The following CMTM8 variants were observed in gnomAD, a reference collection of about 807,000 sequenced individuals.
The protein encoded by CMTM8 is CKLF-like MARVEL transmembrane domain-containing protein 8.
CMTM8 carries 12 observed loss-of-function variants against 18.6 expected under a neutral mutation model. That is an observed-to-expected ratio of 0.65 (90% CI 0.41 to 1.05). The LOEUF (loss-of-function observed/expected upper bound fraction) is 1.05. Among genes scored for constraint, CMTM8 ranks in the 50% least tolerant of loss-of-function variants. The pLI, the probability that CMTM8 is intolerant of heterozygous loss-of-function variation, is 0.00. For synonymous variants in CMTM8, 87 were observed against 90.6 expected, an observed-to-expected ratio of 0.96 and a Z score of 0.23; for missense variants, 217 against 227.2, an observed-to-expected ratio of 0.95 and a Z score of 0.29.
At chr3:32,289,848 A>G (rs1161308389) in intron 1 of CMTM8, among the ~76,000 whole-genome samples, 2 of 152,180 alleles carry the variant, frequency 1.3e-5, no homozygotes, top group Non-Finnish European at 1.5e-5. Context: ...GGGAAAAAGG[A>G]GGCCAGTCAT....
At chr3:32,240,338 T>C (rs1316319672) in intron 1 of CMTM8, among the ~76,000 whole-genome samples, 1 of 152,214 alleles carries the variant, frequency 6.6e-6, no homozygotes, top group Non-Finnish European at 1.5e-5. Flanking sequence ...TCAGCGAGTA[T>C]TGAGGACTTC....
chr3:32,279,749 G>A (rs1401034774), intron 1 of CMTM8, among the ~76,000 whole-genome samples: 4 of 125,214 alleles, frequency 3.2e-5, no homozygotes, highest in Non-Finnish European at 6.6e-5. Flanking sequence ...CTGAGGAATC[G>A]CCACACTGAC....
At chr3:32,349,715 T>C (rs757230928) in intron 1 of CMTM8, among the ~76,000 whole-genome samples, 2 of 152,098 alleles carry the variant, frequency 1.3e-5, no homozygotes, top group Non-Finnish European at 2.9e-5. Context: ...GATCAATAAT[T>C]TTATTGGCCA....
intron 1 of CMTM8, among the ~76,000 whole-genome samples, chr3:32,270,392 A>G (rs573995937): frequency 3.9e-5 from 6 of 152,374 alleles, no homozygotes; most frequent in African/African-American, 1.4e-4. Flanking sequence ...AGGAGTATAA[A>G]TCATGCTACT....
chr3:32,284,898 T>C (rs1249446070), intron 1 of CMTM8, among the ~76,000 whole-genome samples: 2 of 152,112 alleles, frequency 1.3e-5, no homozygotes, highest in African/African-American at 2.4e-5. Context: ...CTCAAGAAAA[T>C]TGGGAGAAAT....
At chr3:32,325,886 C>T (rs1171854556) in intron 1 of CMTM8, among the ~76,000 whole-genome samples, 1 of 152,180 alleles carries the variant, frequency 6.6e-6, no homozygotes, top group Non-Finnish European at 1.5e-5. Context: ...ACTGAAATGC[C>T]AGTGGAGCTT....
intron 3 of CMTM8, among the ~76,000 whole-genome samples, chr3:32,368,461 T>G (rs1179651350): frequency 6.7e-5 from 10 of 150,256 alleles, no homozygotes; most frequent in African/African-American, 1.7e-4. Context: ...CTTCTATTTT[T>G]TTTTTTTTTT....
At chr3:32,239,446 A>G (rs1048977778) in intron 1 of CMTM8, among the ~76,000 whole-genome samples, 1 of 151,840 alleles carries the variant, frequency 6.6e-6, no homozygotes. Context: ...TGTCAGAGAC[A>G]CCTGGTGCCT....
Position 32,358,424 on chromosome 3 carries a change from A to T in CMTM8, c.321+878A>T, listed in dbSNP as rs958253839. Among the ~76,000 whole-genome samples the T allele has an allele frequency of 3.3e-5, 5 of 152,246 alleles. No homozygotes were observed. Among genetic ancestry groups the T allele is most frequent in the Non-Finnish European group, 5.9e-5 (4 of 68,034 alleles). ...CCAGTGGTACCACATGTGTTTATGT[A>T]TAAAACAGAGCTCTCCAGTGATACT... On this transcript the variant is annotated intron_variant, in intron 2 of 3. Transcript: ENST00000307526. This position sits in a 1 kb window ranked among gnomAD's most constrained non-coding sequence, Gnocchi z 4.1.
At chr3:32,300,035 C>T (rs1485615794) in intron 1 of CMTM8, among the ~76,000 whole-genome samples, 3 of 152,204 alleles carry the variant, frequency 2.0e-5, no homozygotes, top group Non-Finnish European at 4.4e-5. Context: ...AAAAGGTTAA[C>T]AGACAAAAGC....
intron 1 of CMTM8, among the ~76,000 whole-genome samples, chr3:32,247,561 A>G (rs1291180031): frequency 6.6e-6 from 1 of 152,052 alleles, no homozygotes; most frequent in Non-Finnish European, 1.5e-5. Flanking sequence ...CCTGACCTCA[A>G]GTGATCCACC....
In CMTM8 at chr3:32,353,102, T is replaced by C. The variant is rs1019920867; in HGVS notation, c.148-4271T>C. On this transcript the variant is annotated intron_variant, in intron 1 of 3. Transcript: ENST00000307526. Reference sequence around the variant, plus strand: ...TCCACTTTCCCAGTTCAAGCTATTCTCCTGCCTCAGCCTCCCTAGTAGCTG... The same window carrying C: ...TCCACTTTCCCAGTTCAAGCTATTCCCCTGCCTCAGCCTCCCTAGTAGCTG... Among the ~76,000 whole-genome samples the C allele has an allele frequency of 1.1e-4, 16 of 152,330 alleles. No individual in the cohort carries two copies. The East Asian group carries it at 3.1e-3, about 29-fold the overall frequency.
chr3:32,317,261 G>A (rs1057156078), intron 1 of CMTM8, among the ~76,000 whole-genome samples: 2 of 152,118 alleles, frequency 1.3e-5, no homozygotes, highest in African/African-American at 4.8e-5. Flanking sequence ...GGACTTCTCA[G>A]TAAATGTTAG....
intron 1 of CMTM8, among the ~76,000 whole-genome samples, chr3:32,350,859 A>G (rs75751769): frequency 3.0e-4 from 45 of 151,482 alleles, no homozygotes; most frequent in Non-Finnish European, 5.2e-4. Context: ...GGGTTTCACC[A>G]TGTTAGCCAG....
chr3:32,294,485 G>C (rs955139833), intron 1 of CMTM8, among the ~76,000 whole-genome samples: 11 of 152,190 alleles, frequency 7.2e-5, no homozygotes, highest in African/African-American at 2.7e-4. Flanking sequence ...CCAGAGCCAG[G>C]TGGGAGTCTG....
At chr3:32,254,049 A>G (rs568559972) in intron 1 of CMTM8, among the ~76,000 whole-genome samples, 15 of 152,130 alleles carry the variant, frequency 9.9e-5, no homozygotes, top group Non-Finnish European at 1.9e-4. Context: ...GCACACCACC[A>G]TGCCCAGCTA....
chr3:32,253,952 G>A (rs1033359083), intron 1 of CMTM8, among the ~76,000 whole-genome samples: 7 of 151,828 alleles, frequency 4.6e-5, no homozygotes, highest in African/African-American at 1.7e-4. Context: ...GGAGTGCAGT[G>A]GCACAATCTC....
chr3:32,311,094 G>C (rs1010887779), intron 1 of CMTM8, among the ~76,000 whole-genome samples: 1 of 152,204 alleles, frequency 6.6e-6, no homozygotes, highest in Non-Finnish European at 1.5e-5. Flanking sequence ...ACACAAAAGA[G>C]TATATACGGT....
At chr3:32,286,039 T>C (rs1382414026) in intron 1 of CMTM8, among the ~76,000 whole-genome samples, 2 of 152,178 alleles carry the variant, frequency 1.3e-5, no homozygotes, top group African/African-American at 4.8e-5. Flanking sequence ...ATAATGTAGC[T>C]AAAGCTCAGG....
Sources: gnomAD v4.1 joint callset for allele counts (sites outside exome capture counted in the v4.1 genomes callset) on GRCh38, gnomAD v4.1.1 for gene constraint, Gnocchi (gnomAD v3.1) non-coding constraint, MANE v1.5 for transcripts, NCBI Gene and HGNC (gene_info 2026-07-23, HGNC 2026-07-21) for gene names.